The following MAN1A2 variants were observed in gnomAD, a reference collection of about 807,000 sequenced individuals.
MAN1A2 encodes mannosyl-oligosaccharide 1,2-alpha-mannosidase IB.
A neutral mutation model predicts 75.7 loss-of-function variants in MAN1A2; 26 were observed. The ratio of observed to expected loss-of-function variants is 0.34; its 90% CI spans 0.25 to 0.48. MAN1A2 has a LOEUF of 0.48. Ranked by LOEUF, MAN1A2 falls within the 20% of genes least tolerant of loss-of-function variation. MAN1A2 has a pLI of 0.99. For synonymous variants in MAN1A2, 247 were observed against 264.6 expected, an observed-to-expected ratio of 0.93 and a Z score of 0.65; for missense variants, 562 against 775.5, an observed-to-expected ratio of 0.72 and a Z score of 3.27.
chr1:117,412,661 T>G (rs1431984743), intron 3 of MAN1A2, among the ~76,000 whole-genome samples: 1 of 151,900 alleles, frequency 6.6e-6, no homozygotes, highest in East Asian at 1.9e-4. Flanking sequence ...TATGATGTTT[T>G]ATATATTTTG....
chr1:117,489,838 C>T (rs530633971), intron 8 of MAN1A2, among the ~76,000 whole-genome samples: 1 of 151,944 alleles, frequency 6.6e-6, no homozygotes, highest in East Asian at 2.0e-4. Context: ...AATGGATAGC[C>T]AGTTTTTGCC....
At chr1:117,449,102 G>T (rs80275820) in intron 6 of MAN1A2, among the ~76,000 whole-genome samples, 22,233 of 151,990 alleles carry the variant, frequency 0.15, 1,887 homozygotes, top group African/African-American at 0.22. Flanking sequence ...ACTAAATGTT[G>T]TCTCTGTTCT....
intron 5 of MAN1A2, among the ~76,000 whole-genome samples, chr1:117,440,576 T>G (rs1489132374): frequency 6.6e-6 from 1 of 152,108 alleles, no homozygotes; most frequent in African/African-American, 2.4e-5. Flanking sequence ...TTTTTCTCAA[T>G]GACATTAGGG....
intron 3 of MAN1A2, among the ~76,000 whole-genome samples, chr1:117,408,732 A>G (rs1168824730): frequency 6.6e-6 from 1 of 151,114 alleles, no homozygotes; most frequent in Non-Finnish European, 1.5e-5. Flanking sequence ...TTTTTCTTTA[A>G]TGTTTGGTAT....
intron 1 of MAN1A2, among the ~76,000 whole-genome samples, chr1:117,381,531 C>T (rs542290397): frequency 1.8e-4 from 28 of 152,140 alleles, no homozygotes; most frequent in African/African-American, 6.0e-4. Context: ...TTTTTTATGG[C>T]TGCATAGTAT....
intron 3 of MAN1A2, among the ~76,000 whole-genome samples, chr1:117,411,534 A>G (rs1011558338): frequency 1.3e-5 from 2 of 151,858 alleles, no homozygotes; most frequent in African/African-American, 4.8e-5. Flanking sequence ...TTTAGAACAC[A>G]AAAAGCATTA....
chr1:117,465,914 A>G (rs1232218316), intron 7 of MAN1A2, among the ~76,000 whole-genome samples: 1 of 152,184 alleles, frequency 6.6e-6, no homozygotes, highest in Non-Finnish European at 1.5e-5. Flanking sequence ...ATTCAAATTA[A>G]TAACTTTTCA....
intron 5 of MAN1A2, among the ~76,000 whole-genome samples, chr1:117,428,784 C>CTTTTTTT (rs780515731): frequency 4.5e-5 from 5 of 110,168 alleles, no homozygotes; most frequent in African/African-American, 1.8e-4. Context: ...GGAGACCTTT[C>CTTTTTTT]TTTTTTTTTT....
intron 8 of MAN1A2, among the ~76,000 whole-genome samples, chr1:117,479,880 T>A (rs1299720598): frequency 6.6e-6 from 1 of 151,938 alleles, no homozygotes; most frequent in Non-Finnish European, 1.5e-5. Flanking sequence ...AGGGTTACAG[T>A]TAAGTTACTT....
intron 6 of MAN1A2, among the ~76,000 whole-genome samples, chr1:117,453,283 G>T (rs1649480021): frequency 1.3e-5 from 2 of 152,150 alleles, no homozygotes; most frequent in African/African-American, 4.8e-5. Flanking sequence ...AATGAATTTT[G>T]TAAGGCTATA....
chr1:117,404,622 C>G (rs1249169507), intron 2 of MAN1A2, among the ~76,000 whole-genome samples: 1 of 152,158 alleles, frequency 6.6e-6, no homozygotes, highest in African/African-American at 2.4e-5. Flanking sequence ...AGCCCTCTAT[C>G]TCATGGTGTC....
intron 3 of MAN1A2, among the ~76,000 whole-genome samples, chr1:117,408,818 T>C (rs963443632): frequency 6.6e-6 from 1 of 152,120 alleles, no homozygotes; most frequent in Non-Finnish European, 1.5e-5. Context: ...TTAATTTCTC[T>C]AATAGTAAGG....
At chr1:117,512,750 TAC>T (rs3050979) in intron 12 of MAN1A2, among the ~76,000 whole-genome samples, 340 of 143,776 alleles carry the variant, frequency 2.4e-3, no homozygotes, top group South Asian at 6.0e-3. Context: ...GGCACTGGGA[TAC>T]ACACACACAC....
intron 1 of MAN1A2, among the ~76,000 whole-genome samples, chr1:117,374,148 C>G (rs956643708): frequency 1.2e-4 from 19 of 152,036 alleles, no homozygotes; most frequent in African/African-American, 4.3e-4. Context: ...CATACTCGCA[C>G]ATGCACACAG....
chr1:117,433,934 A>G (rs1407096786), intron 5 of MAN1A2, among the ~76,000 whole-genome samples: 2 of 152,144 alleles, frequency 1.3e-5, no homozygotes, highest in East Asian at 3.8e-4. Flanking sequence ...TTACTACCTT[A>G]GTTGCAGAGG....
chr1:117,468,086 A>G (rs890445134), intron 8 of MAN1A2, among the ~76,000 whole-genome samples: 15 of 152,246 alleles, frequency 9.9e-5, no homozygotes, highest in African/African-American at 3.4e-4. Flanking sequence ...AGACTGGGTA[A>G]TTTATAAAGG....
intron 3 of MAN1A2, 46 bp downstream of exon 3, chr1:117,405,691 C>A: frequency 9.6e-7 from 1 of 1,044,198 alleles, no homozygotes; most frequent in Non-Finnish European, 1.5e-6. Flanking sequence ...CTACCTCCAT[C>A]TTTTAAAACA....
intron 10 of MAN1A2, 152 bp from the exon 11 acceptor site, chr1:117,499,230 A>C: frequency 4.4e-6 from 2 of 456,292 alleles, no homozygotes; most frequent in Non-Finnish European, 3.8e-6. Flanking sequence ...GGATCTTTTA[A>C]AATGACTCAT....
At chr1:117,473,009 C>T (rs1313075635) in intron 8 of MAN1A2, among the ~76,000 whole-genome samples, 2 of 151,960 alleles carry the variant, frequency 1.3e-5, no homozygotes, top group Admixed American at 6.6e-5. Flanking sequence ...ATGCTGGCAT[C>T]TCTCAAATCT....
Sources: allele counts gnomAD v4.1 joint callset (sites outside exome capture counted in the v4.1 genomes callset), GRCh38; gene constraint gnomAD v4.1.1; transcripts MANE v1.5; gene names NCBI Gene and HGNC (gene_info 2026-07-23, HGNC 2026-07-21).